GDPD1: variants seen among roughly 807,000 people sequenced by gnomAD.
The protein encoded by GDPD1 is glycerophosphodiester phosphodiesterase domain containing 1, also known as lysophospholipase D GDPD1.
GDPD1 carries 28 observed loss-of-function variants against 45.1 expected under a neutral mutation model. The observed-to-expected ratio is 0.62, with a 90% confidence interval of 0.46 to 0.85. The LOEUF is 0.85. Ranked by LOEUF, GDPD1 falls within the 40% of genes least tolerant of loss-of-function variation. The pLI, the probability that GDPD1 is intolerant of heterozygous loss-of-function variation, is 0.00. For missense variants in GDPD1, 256 were observed against 364.8 expected, an observed-to-expected ratio of 0.70 and a Z score of 2.43; for synonymous variants, 139 against 131.4, an observed-to-expected ratio of 1.06 and a Z score of -0.40.
At chr17:59,239,952 G>A (rs569524241) in intron 2 of GDPD1, among the ~76,000 whole-genome samples, 12 of 151,444 alleles carry the variant, frequency 7.9e-5, no homozygotes, top group South Asian at 4.2e-4. Context: ...CACCCACCTC[G>A]GCCTCCCAAA....
At chr17:59,264,723 T>TAAGCC (rs2047385183) in intron 6 of GDPD1, among the ~76,000 whole-genome samples, 2 of 152,210 alleles carry the variant, frequency 1.3e-5, no homozygotes, top group Admixed American at 1.3e-4. Flanking sequence ...TGTATGTAAG[T>TAAGCC]AAGCCAAGAA....
chr17:59,238,311 A>G (rs1427103261), intron 2 of GDPD1, among the ~76,000 whole-genome samples: 1 of 151,826 alleles, frequency 6.6e-6, no homozygotes, highest in Non-Finnish European at 1.5e-5. Flanking sequence ...TGACAGAAGT[A>G]ATTATGTCTC....
chr17:59,223,231 G>A (rs2047019801), intron 1 of GDPD1, among the ~76,000 whole-genome samples: 1 of 152,082 alleles, frequency 6.6e-6, no homozygotes, highest in African/African-American at 2.4e-5. Context: ...ATTTGTAAAT[G>A]CGGCATCAGT....
intron 3 of GDPD1, among the ~76,000 whole-genome samples, chr17:59,246,502 AG>A (rs1841276662): frequency 6.6e-6 from 1 of 151,772 alleles, no homozygotes; most frequent in African/African-American, 2.4e-5. Flanking sequence ...TGAGGTCAGG[AG>A]TTCGGGACCG....
chr17:59,263,483 C>CATTTTTTTTT (rs2047374084), intron 6 of GDPD1, among the ~76,000 whole-genome samples: 1 of 120,320 alleles, frequency 8.3e-6, no homozygotes, highest in Non-Finnish European at 1.6e-5. Flanking sequence ...TTTTCCTTTC[C>CATTTTTTTTT]TTTTTTTTTT....
At chr17:59,239,926 G>A (rs2047162659) in intron 2 of GDPD1, among the ~76,000 whole-genome samples, 1 of 151,900 alleles carries the variant, frequency 6.6e-6, no homozygotes, top group South Asian at 2.1e-4. Flanking sequence ...TAGAGACGGG[G>A]TTTTGTAGAA....
chr17:59,247,426 G>C (rs1474389195), intron 3 of GDPD1, among the ~76,000 whole-genome samples: 1 of 152,104 alleles, frequency 6.6e-6, no homozygotes, highest in East Asian at 1.9e-4. Flanking sequence ...TGTTTTTGCT[G>C]TTTCCATAGT....
At chr17:59,225,532 T>C (rs974593956) in intron 1 of GDPD1, among the ~76,000 whole-genome samples, 1 of 152,068 alleles carries the variant, frequency 6.6e-6, no homozygotes, top group African/African-American at 2.4e-5. Context: ...TTTCTCCTTA[T>C]AATTAATAAG....
intron 6 of GDPD1, among the ~76,000 whole-genome samples, chr17:59,264,303 T>C (rs1378936511): frequency 7.1e-6 from 1 of 140,962 alleles, no homozygotes; most frequent in Admixed American, 6.9e-5. Context: ...CCCAGCCAAG[T>C]TTTTTTTTTT....
intron 1 of GDPD1, among the ~76,000 whole-genome samples, chr17:59,228,627 G>A (rs1040521014): frequency 6.6e-6 from 1 of 151,884 alleles, no homozygotes; most frequent in African/African-American, 2.4e-5. Flanking sequence ...GCTCATGCCT[G>A]TAATCCCAGC....
At chr17:59,264,287 A>G (rs892422174) in intron 6 of GDPD1, among the ~76,000 whole-genome samples, 2 of 149,346 alleles carry the variant, frequency 1.3e-5, no homozygotes, top group African/African-American at 4.9e-5. Flanking sequence ...GGCATGAGCC[A>G]CTGTGCCCAG....
chr17:59,275,093 C>A lies in GDPD1; in HGVS notation c.*1320C>A. On this transcript the variant is annotated 3_prime_UTR_variant, in exon 10 of 10. Coordinates refer to ENST00000284116, the MANE Select transcript of GDPD1 (RefSeq NM_182569.4). ...CTGACCTCAGGTGATCCACCCACCT[C>A]GGCCTCTCAAAGTGCTGGGATTACA... 7.3e-7 allele frequency: 1 copy of A among 1,370,830 alleles called. No individual in the cohort carries two copies. The highest frequency in any genetic ancestry group is 1.2e-5 in the South Asian group (1 of 80,608). 84.9% of individuals were successfully genotyped at this position (1,370,830 alleles called of 1,614,324 possible).
At chr17:59,271,251 A>T (rs1389117366) in intron 8 of GDPD1, among the ~76,000 whole-genome samples, 2 of 152,196 alleles carry the variant, frequency 1.3e-5, no homozygotes, top group African/African-American at 4.8e-5. Flanking sequence ...TAAATTATTT[A>T]CTTGGGGTTA....
intron 1 of GDPD1, among the ~76,000 whole-genome samples, chr17:59,222,619 A>T (rs1187444405): frequency 7.0e-6 from 1 of 141,878 alleles, no homozygotes; most frequent in African/African-American, 2.7e-5. Context: ...TGTTCAAGCG[A>T]TTCTCCTGCC....
At chr17:59,238,375 A>T (rs1163437150) in intron 2 of GDPD1, among the ~76,000 whole-genome samples, 8 of 151,500 alleles carry the variant, frequency 5.3e-5, no homozygotes, top group Non-Finnish European at 1.2e-4. Flanking sequence ...CACAAACACC[A>T]TCTCCCTTAG....
intron 3 of GDPD1, among the ~76,000 whole-genome samples, chr17:59,247,478 A>G (rs944179472): frequency 6.6e-6 from 1 of 152,030 alleles, no homozygotes; most frequent in Non-Finnish European, 1.5e-5. Context: ...ATCATACTGT[A>G]TTTGGCCTTT....
intron 4 of GDPD1, among the ~76,000 whole-genome samples, chr17:59,256,730 G>A (rs1024414467): frequency 3.9e-5 from 6 of 152,250 alleles, no homozygotes; most frequent in Admixed American, 6.6e-5. Context: ...TTACCACTGG[G>A]AAATCTGGGT....
chr17:59,262,402 A>T (rs1376910138), intron 6 of GDPD1, among the ~76,000 whole-genome samples: 2 of 152,184 alleles, frequency 1.3e-5, no homozygotes, highest in Admixed American at 1.3e-4. Flanking sequence ...ATGGAATATT[A>T]TTCAGCACTA....
intron 2 of GDPD1, among the ~76,000 whole-genome samples, chr17:59,237,656 G>A (rs2047143073): frequency 6.6e-6 from 1 of 152,068 alleles, no homozygotes; most frequent in African/African-American, 2.4e-5. Flanking sequence ...GTGAAGATGA[G>A]GAGATATTAA....
Sources: allele counts gnomAD v4.1 joint callset (sites outside exome capture counted in the v4.1 genomes callset), GRCh38; gene constraint gnomAD v4.1.1; transcripts MANE v1.5; gene names NCBI Gene and HGNC (gene_info 2026-07-23, HGNC 2026-07-21).